Variants in RARS1 observed in about 807,000 individuals in gnomAD.
RARS1 encodes the protein arginyl-tRNA synthetase 1.
A neutral mutation model predicts 78.7 loss-of-function variants in RARS1; 75 were observed. The ratio of observed to expected loss-of-function variants is 0.95; its 90% CI spans 0.79 to 1.15. The LOEUF (loss-of-function observed/expected upper bound fraction) is 1.15. Ranked by LOEUF, RARS1 falls within the 50% of genes most tolerant of loss-of-function variation. The probability of loss-of-function intolerance (pLI) is 0.00; values close to 1 mark genes in which losing one functional copy is unlikely to be tolerated. For synonymous variants in RARS1, 273 were observed against 268.2 expected, an observed-to-expected ratio of 1.02 and a Z score of -0.18; for missense variants, 787 against 787.5, an observed-to-expected ratio of 1.00 and a Z score of 0.01.
rs568849064 is a variant in RARS1, at chr5:168,488,820, G to T, written c.180+84G>T. On this transcript the variant is annotated intron_variant, in intron 2 of 14. Transcript: ENST00000231572. ...GCCTTTGTTACCAAAGATTCTGGAA[G>T]TATATCCTATGGAATTTGGAAAAGA... The T allele has an allele frequency of 3.4e-5, 49 of 1,423,652 alleles. No individual in the cohort carries two copies. The African/African-American group carries it at 6.5e-4, about 19-fold the overall frequency. 88.2% of individuals were successfully genotyped at this position (1,423,652 alleles called of 1,614,324 possible).
At chr5:168,489,248 G>A (rs1481265555) in intron 2 of RARS1, among the ~76,000 whole-genome samples, 1 of 151,742 alleles carries the variant, frequency 6.6e-6, no homozygotes, top group Non-Finnish European at 1.5e-5. Flanking sequence ...CGGAATTCCT[G>A]GCTTCAAGCA....
chr5:168,508,221 C>T (rs1280867767), intron 11 of RARS1, among the ~76,000 whole-genome samples: 1 of 152,098 alleles, frequency 6.6e-6, no homozygotes, highest in Admixed American at 6.6e-5. Flanking sequence ...GCATTTAATT[C>T]ACTTGTCATA....
intron 12 of RARS1, among the ~76,000 whole-genome samples, chr5:168,513,512 G>T (rs987921731): frequency 2.0e-5 from 3 of 152,008 alleles, no homozygotes; most frequent in Admixed American, 6.6e-5. Flanking sequence ...TAGAGATGAG[G>T]TTTCACCATG....
rs528449501 is a variant in RARS1 at position 168,492,590 on chromosome 5, A to G, written c.181-69A>G. ...ATATTTGGAGGTTTATACTCAAAAT[A>G]TTTGGAGACATCTTGTATGATGATG... On this transcript the variant is annotated intron_variant, in intron 2 of 14. Transcript: ENST00000231572. 858 of 1,314,640 alleles carry G rather than the reference A, an allele frequency of 6.5e-4. 2 individuals carry two copies. Among genetic ancestry groups the G allele is most frequent in the Non-Finnish European group, 7.7e-4 (730 of 948,016 alleles). 81.4% of individuals were successfully genotyped at this position (1,314,640 alleles called of 1,614,324 possible).
chr5:168,504,429 A>AGAGGAGTCGCTTGAACCCGG (rs1758392978), intron 9 of RARS1, among the ~76,000 whole-genome samples: 1 of 151,550 alleles, frequency 6.6e-6, no homozygotes, highest in Non-Finnish European at 1.5e-5. Context: ...AGGCTGAGGC[A>AGAGGAGTCGCTTGAACCCGG]GAGGAGTCGC....
Position 168,495,424 on chromosome 5 carries a change from A to G in RARS1, c.689A>G (p.Tyr230Cys), listed in dbSNP as rs1296652512. 5 of 1,613,566 alleles carry G rather than the reference A, an allele frequency of 3.1e-6. No individual in the cohort carries two copies. In the African/African-American group the frequency reaches 5.3e-5, roughly 17 times the overall value. ...AGCCGCCTCTTTGAATTTGCAGGGTATGACGTGCTCAGGTATGTGCTCTTG... is the reference window on the plus strand; with the variant it reads ...AGCCGCCTCTTTGAATTTGCAGGGTGTGACGTGCTCAGGTATGTGCTCTTG... ...SISRLFEFAG[Y>C]DVLRLNHVGD... Residue 230 changes from tyrosine (Y) to cysteine (C), a missense_variant, in exon 6 of 15, where the codon TAT (tyrosine) becomes TGT (cysteine). By Grantham distance (194) the Tyr-to-Cys change is radical. Transcript: ENST00000231572.
rs539904957 is a variant in RARS1, at chr5:168,508,678, G to T, written c.1346+1847G>T. 1.2e-4 allele frequency among the ~76,000 whole-genome samples: 18 copies of T among 150,994 alleles called. No homozygotes were observed. The South Asian group carries it at 2.3e-3, about 19-fold the overall frequency. The stretch of plus-strand genomic sequence containing the variant: ...GAGGGGGATGGGACTTAAGAAAAAG[G>T]TTTGTTTTCTTTAATGCTCACAGAT... On this transcript the variant is annotated intron_variant, in intron 11 of 14. Coordinates refer to ENST00000231572, the MANE Select transcript of RARS1 (RefSeq NM_002887.4).
chr5:168,495,038 T>C, intron 5 of RARS1: 1 of 398,188 alleles, frequency 2.5e-6, no homozygotes, highest in Non-Finnish European at 4.1e-6. Flanking sequence ...ACAAGGCATT[T>C]GAGGTAGCCA....
chr5:168,503,078 G>A (rs1483383325), intron 9 of RARS1, among the ~76,000 whole-genome samples: 1 of 151,900 alleles, frequency 6.6e-6, no homozygotes, highest in Non-Finnish European at 1.5e-5. Context: ...TCCTTTTTTT[G>A]TTGTTTTCTT....
rs369036183 is a variant in RARS1 at position 168,494,275 on chromosome 5, A to G, written c.478+273A>G. On this transcript the variant is annotated intron_variant, in intron 4 of 14. Transcript: ENST00000231572. ...AGATAATGGCAGATAAGTCTTCGGC[A>G]CAAGGGCCTTCTGTTTTCTGTTAAG... The G allele has an allele frequency of 5.1e-6, 5 of 985,328 alleles. No homozygotes were observed. In the African/African-American group the frequency reaches 7.0e-5, roughly 14 times the overall value. 61.0% of individuals were successfully genotyped at this position (985,328 alleles called of 1,614,324 possible).
chr5:168,500,003 C>A (rs1758281314), intron 7 of RARS1, among the ~76,000 whole-genome samples: 2 of 152,086 alleles, frequency 1.3e-5, no homozygotes, highest in Admixed American at 6.5e-5. Context: ...GCCTGGCCAA[C>A]ATGGTGAAAT....
At chr5:168,512,440 C>CAT (rs1758582246) in intron 12 of RARS1, among the ~76,000 whole-genome samples, 1 of 152,140 alleles carries the variant, frequency 6.6e-6, no homozygotes, top group Non-Finnish European at 1.5e-5. Flanking sequence ...CCACTACTAA[C>CAT]ATATGAGAGT....
At chr5:168,491,197 A>G (rs183501300) in intron 2 of RARS1, among the ~76,000 whole-genome samples, 1 of 152,340 alleles carries the variant, frequency 6.6e-6, no homozygotes, top group Non-Finnish European at 1.5e-5. Flanking sequence ...GGTTTTGGGT[A>G]TAAGATCATA....
intron 6 of RARS1, 71 bp from the exon 7 acceptor site, chr5:168,497,157 T>C (rs1758210687): frequency 1.7e-6 from 2 of 1,174,880 alleles, no homozygotes; most frequent in East Asian, 2.9e-5. Flanking sequence ...TAATGGAATA[T>C]AGTTCCTCTA....
Position 168,518,069 on chromosome 5 carries a change from GTC to G in RARS1, c.1873+9_1873+10del. The G allele has an allele frequency of 5.5e-5, 37 of 675,628 alleles. No homozygotes were observed. Among genetic ancestry groups the G allele is most frequent in the South Asian group, 2.9e-4 (9 of 30,664 alleles). The allele number at this position is 675,628 out of a possible 1,614,324, so 41.9% of individuals were successfully genotyped here. On this transcript the variant is annotated splice_region_variant and intron_variant, in intron 14 of 14. Transcript: ENST00000231572. ...GAGAAAGATAGACAGACTGGTGAGT[GTC>G]TTTTTTTTTTTTTTTTTTTTTTTTA... is the stretch of plus-strand genomic sequence containing the variant.
intron 12 of RARS1, among the ~76,000 whole-genome samples, chr5:168,513,016 T>C (rs72836358): frequency 0.13 from 19,669 of 151,904 alleles, 1,706 homozygotes; most frequent in Non-Finnish European, 0.19. Flanking sequence ...ATTGATGATA[T>C]TGACTACCTT....
chr5:168,508,994 G>GT (rs555141768), intron 11 of RARS1, among the ~76,000 whole-genome samples: 27 of 149,666 alleles, frequency 1.8e-4, no homozygotes, highest in East Asian at 3.9e-4. Flanking sequence ...TTAGGCATCT[G>GT]TTTTTTTTTT....
chr5:168,514,784 T>C (rs528895863), intron 12 of RARS1, among the ~76,000 whole-genome samples: 1 of 152,364 alleles, frequency 6.6e-6, no homozygotes, highest in South Asian at 2.1e-4. Flanking sequence ...GATAACATGT[T>C]ACATTTAGTT....
At chr5:168,504,972 G>A (rs1758407594) in intron 9 of RARS1, among the ~76,000 whole-genome samples, 2 of 152,182 alleles carry the variant, frequency 1.3e-5, no homozygotes, top group Non-Finnish European at 2.9e-5. Flanking sequence ...AGACCTGGAT[G>A]ACAGAGCAAG....
Sources: gnomAD v4.1 joint callset for allele counts (sites outside exome capture counted in the v4.1 genomes callset) on GRCh38, gnomAD v4.1.1 for gene constraint, MANE v1.5 for transcripts, NCBI Gene and HGNC (gene_info 2026-07-23, HGNC 2026-07-21) for gene names.